The following URB1 variants were observed in gnomAD, a reference collection of about 807,000 sequenced individuals.
URB1 encodes the protein nucleolar pre-ribosomal-associated protein 1.
A neutral mutation model predicts 242.3 loss-of-function variants in URB1; 197 were observed. The ratio of observed to expected loss-of-function variants is 0.81; its 90% CI spans 0.72 to 0.91. The LOEUF (loss-of-function observed/expected upper bound fraction) is 0.91. Ranked by LOEUF, URB1 falls within the 40% of genes least tolerant of loss-of-function variation. The probability of loss-of-function intolerance (pLI) is 0.00; values close to 1 mark genes in which losing one functional copy is unlikely to be tolerated. For synonymous variants in URB1, 1,153 were observed against 1,201.8 expected (o/e 0.96, Z 0.84); for missense variants, 2,721 against 2,860.5 (o/e 0.95, Z 1.11).
intron 9 of URB1, among the ~76,000 whole-genome samples, chr21:32,367,584 A>T (rs2123605886): frequency 6.8e-6 from 1 of 147,572 alleles, no homozygotes; most frequent in East Asian, 1.9e-4. Context: ...ATTACTGCCA[A>T]AGAACAGTAG....
At chr21:32,368,341 T>G (rs1323773037) in intron 9 of URB1, 62 bp downstream of exon 9, 1 of 1,437,970 alleles carries the variant, frequency 7.0e-7, no homozygotes, top group African/African-American at 1.4e-5. Flanking sequence ...GTGCTGGGAT[T>G]ACAGGCATGA....
intron 26 of URB1, 70 bp downstream of exon 26, chr21:32,338,637 T>C: frequency 6.6e-7 from 1 of 1,510,730 alleles, no homozygotes; most frequent in Admixed American, 2.0e-5. Context: ...TGAGCCTCAG[T>C]GCAGCCAGTG....
At chr21:32,319,536 C>T in intron 35 of URB1, 122 bp from the exon 36 acceptor site, 1 of 1,048,350 alleles carries the variant, frequency 9.5e-7, no homozygotes. Context: ...CAAGTAAAAA[C>T]AGGGTGCTTG....
Position 32,354,055 on chromosome 21 carries a change from T to C in URB1, c.2294A>G (p.Asp765Gly), listed in dbSNP as rs868330391. 1.9e-6 allele frequency: 3 copies of C among 1,551,646 alleles called. No individual in the cohort carries two copies. The Middle Eastern group carries it at 5.0e-4, about 259-fold the overall frequency. ...ACTCAACGTGAACCCTATTTCCTCATCCAAGCCTTCACTGCCCTCCACCAG... is the reference window on the plus strand; with the variant it reads ...ACTCAACGTGAACCCTATTTCCTCACCCAAGCCTTCACTGCCCTCCACCAG... ...DVLVEGSEGL[D>G]EEIGFTLSED... Residue 765 changes from aspartate (D) to glycine (G), a missense_variant, in exon 18 of 39, where the codon GAT becomes GGT. Coordinates refer to ENST00000382751, the MANE Select transcript of URB1 (RefSeq NM_014825.3).
chr21:32,311,993 C>G lies in URB1; in HGVS notation c.*2925G>C, dbSNP rs969003153. 9.9e-6 allele frequency: 16 copies of G among 1,613,082 alleles called. No homozygotes were observed. Among genetic ancestry groups the G allele is most frequent in the Middle Eastern group, 1.6e-4 (1 of 6,084 alleles). On this transcript the variant is annotated 3_prime_UTR_variant, in exon 39 of 39. Transcript: ENST00000382751. The stretch of plus-strand genomic sequence containing the variant: ...GAGACAGGACCTCTCAATTGCAGAG[C>G]TGATGTCAGTAAATCGTGGCCATAG...
intron 11 of URB1, 105 bp downstream of exon 11, chr21:32,363,051 G>C: frequency 2.1e-6 from 3 of 1,409,672 alleles, no homozygotes. Flanking sequence ...GTCCAACCCT[G>C]CGGCTCCAAG....
chr21:32,334,549 C>T (rs905956105), intron 28 of URB1, among the ~76,000 whole-genome samples: 5 of 152,156 alleles, frequency 3.3e-5, no homozygotes, highest in Admixed American at 6.5e-5. Flanking sequence ...TCAGTGATGA[C>T]GACAGAAGCT....
In URB1 at chr21:32,350,770, C is replaced by T. The variant is rs2033147767; in HGVS notation, c.2766G>A (p.Gln922=). 2 of 1,551,508 alleles carry T rather than the reference C, an allele frequency of 1.3e-6. No homozygotes were observed. The highest frequency in any genetic ancestry group is 1.7e-6 in the Non-Finnish European group (2 of 1,147,012). Residue 922 remains glutamine, a synonymous_variant, in exon 20 of 39, where the codon CAG becomes CAA. Transcript: ENST00000382751. The part of the protein sequence containing the change: ...LQATMPHLSM[Q]QVLLAAKQVL... ...CCTGCTTGGCCGCGAGCAGGACCTGCTGCATGGACAGGTGTGGCATGGTGG... is the reference window on the plus strand; with the variant it reads ...CCTGCTTGGCCGCGAGCAGGACCTGTTGCATGGACAGGTGTGGCATGGTGG...
Position 32,384,239 on chromosome 21 carries a change from A to G in URB1, c.434+74T>C, listed in dbSNP as rs73903315. On this transcript the variant is annotated intron_variant, in intron 3 of 38. Coordinates refer to ENST00000382751, the MANE Select transcript of URB1 (RefSeq NM_014825.3). Reference sequence around the variant, plus strand: ...CTCTAGCCATAAAGGTACTGACCAAATGCACCTGCGGAGAGCTGAATGCAG... The same window carrying G: ...CTCTAGCCATAAAGGTACTGACCAAGTGCACCTGCGGAGAGCTGAATGCAG... 2.6e-3 allele frequency: 3,856 copies of G among 1,487,776 alleles called. 84 individuals carry two copies. The African/African-American group carries it at 0.049, about 19-fold the overall frequency. 92.2% of individuals were successfully genotyped at this position (1,487,776 alleles called of 1,614,324 possible). A position where few individuals can be genotyped will look rare whatever the true frequency, so the allele number is the denominator to read the frequency against.
In URB1 at chr21:32,355,980, C is replaced by A. The variant is rs532752080; in HGVS notation, c.1990-415G>T. Among the ~76,000 whole-genome samples, 4 of 152,306 alleles carry A rather than the reference C, an allele frequency of 2.6e-5. No individual in the cohort carries two copies. In the South Asian group the frequency reaches 6.2e-4, roughly 24 times the overall value. Reference sequence around the variant, plus strand: ...TCCAGCACCACACGCCCAAGGAGCACGCAGGGGGTGAAAGTTTCATCCCAT... The same window carrying A: ...TCCAGCACCACACGCCCAAGGAGCAAGCAGGGGGTGAAAGTTTCATCCCAT... On this transcript the variant is annotated intron_variant, in intron 15 of 38. Coordinates refer to ENST00000382751, the MANE Select transcript of URB1 (RefSeq NM_014825.3).
Position 32,339,635 on chromosome 21 carries a change from C to G in URB1, c.4317-735G>C, listed in dbSNP as rs113293112. On this transcript the variant is annotated intron_variant, in intron 25 of 38. Coordinates refer to ENST00000382751, the MANE Select transcript of URB1 (RefSeq NM_014825.3). ...CCTTCAGAGTAGCTGGGACTATAGG[C>G]GCCCACCACCACACCTGGCTAATTT... Among the ~76,000 whole-genome samples the G allele has an allele frequency of 6.6e-5, 10 of 152,154 alleles. No homozygotes were observed. The East Asian group carries it at 1.5e-3, about 24-fold the overall frequency.
chr21:32,363,736 A>C (rs1403591619), intron 10 of URB1, among the ~76,000 whole-genome samples: 1 of 151,608 alleles, frequency 6.6e-6, no homozygotes, highest in African/African-American at 2.4e-5. Context: ...ATCATAGCTC[A>C]CCGCAGCCTC....
At chr21:32,349,217 G>T in intron 21 of URB1, 87 bp downstream of exon 21, 1 of 1,416,340 alleles carries the variant, frequency 7.1e-7, no homozygotes, top group Non-Finnish European at 9.3e-7. Context: ...TCCCACAATG[G>T]ACCTATGTTT....
At position 32,347,627 on chromosome 21, in the gene URB1, A is replaced by G. The variant is rs771764020; in HGVS notation, c.3197T>C (p.Ile1066Thr). Residue 1066 changes from isoleucine (I) to threonine (T), a missense_variant, in exon 22 of 39, where the codon ATT (isoleucine) becomes ACT (threonine). Coordinates refer to ENST00000382751, the MANE Select transcript of URB1 (RefSeq NM_014825.3). ...CCTGGCCAGAAGGCCCAGCTGCCCAATGTTCTGGAGGATCGGGGCACTTGC... is the reference window on the plus strand; with the variant it reads ...CCTGGCCAGAAGGCCCAGCTGCCCAGTGTTCTGGAGGATCGGGGCACTTGC... ...LAASAPILQN[I>T]GQLGLLARYS... 3.8e-4 allele frequency: 594 copies of G among 1,551,536 alleles called. No homozygotes were observed. Among genetic ancestry groups the G allele is most frequent in the Middle Eastern group, 3.3e-4 (2 of 6,014 alleles).
rs1212230999 is a variant in URB1 at position 32,359,843 on chromosome 21, C to A, written c.1822G>T (p.Val608Leu). The change falls in exon 14 of 39, where the codon GTG (valine) becomes TTG (leucine). Residue 608 changes from valine (V) to leucine (L), a missense_variant. By Grantham distance (32) the Val-to-Leu change is conservative. Coordinates refer to ENST00000382751, the MANE Select transcript of URB1 (RefSeq NM_014825.3). ...PPILQHHMLK[V>L]ALELPASKFL... is the part of the protein sequence containing the mutation. Reference sequence around the variant, plus strand: ...TTGCTGGCCGGCAGCTCCAGGGCCACCTTCAGCATGTGGTGCTGCAGAATG... The same window carrying A: ...TTGCTGGCCGGCAGCTCCAGGGCCAACTTCAGCATGTGGTGCTGCAGAATG... The A allele has an allele frequency of 1.9e-6, 3 of 1,547,914 alleles. No individual in the cohort carries two copies. The highest frequency in any genetic ancestry group is 2.6e-6 in the Non-Finnish European group (3 of 1,145,538).
chr21:32,383,705 A>G (rs1401519994), intron 3 of URB1, among the ~76,000 whole-genome samples, 151 bp from the exon 4 acceptor site: 1 of 152,154 alleles, frequency 6.6e-6, no homozygotes, highest in East Asian at 1.9e-4. Context: ...TTTTTAAGGA[A>G]AAAGAAAAAA....
At chr21:32,357,678 G>T (rs536011535) in intron 14 of URB1, 22 bp from the exon 15 acceptor site, 1 of 1,394,336 alleles carries the variant, frequency 7.2e-7, no homozygotes. Context: ...ACAATATTAC[G>T]TATTTTTAGT....
At chr21:32,343,501 CAA>C (rs1483190010) in intron 24 of URB1, among the ~76,000 whole-genome samples, 2 of 152,180 alleles carry the variant, frequency 1.3e-5, no homozygotes, top group Non-Finnish European at 2.9e-5. Context: ...TTACAGAAAT[CAA>C]AAGAGTGGTT....
In URB1 at chr21:32,352,871, T is replaced by A; in HGVS notation, c.2452A>T (p.Thr818Ser). Residue 818 changes from threonine (T) to serine (S), a missense_variant, in exon 19 of 39, where the codon ACT (threonine) becomes TCT (serine). Thr to Ser is a moderately conservative substitution (Grantham distance 58). Transcript: ENST00000382751. ...TCCCTCTGGGTGTGGAGGAGGTCAG[T>A]CAGCACTGCCGTCAGATATGTCACA... ...NVVTYLTAVLTDLLHTQRDPL... is the reference protein window; with the variant it reads ...NVVTYLTAVLSDLLHTQRDPL... 6.4e-7 allele frequency: 1 copy of A among 1,551,292 alleles called. No homozygotes were observed. Among genetic ancestry groups the A allele is most frequent in the Non-Finnish European group, 8.7e-7 (1 of 1,146,808 alleles).
Sources: gnomAD v4.1 joint callset for allele counts (sites outside exome capture counted in the v4.1 genomes callset) on GRCh38, gnomAD v4.1.1 for gene constraint, MANE v1.5 for transcripts, NCBI Gene and HGNC (gene_info 2026-07-23, HGNC 2026-07-21) for gene names.